The following EPHA8 variants were observed in gnomAD, a reference collection of about 807,000 sequenced individuals.
The protein encoded by EPHA8 is EPH receptor A8.
EPHA8 carries 58 observed loss-of-function variants against 103.6 expected under a neutral mutation model. The ratio of observed to expected loss-of-function variants is 0.56; its 90% CI spans 0.45 to 0.70. The LOEUF (loss-of-function observed/expected upper bound fraction) is 0.70, where lower values mean the gene tolerates loss of function less well. EPHA8 is among the 30% of genes least tolerant of loss of function. The pLI, the probability that EPHA8 is intolerant of heterozygous loss-of-function variation, is 0.00. For missense variants in EPHA8, 1,304 were observed against 1,395.2 expected (o/e 0.93, Z 1.04); for synonymous variants, 559 against 572.5 (o/e 0.98, Z 0.34).
intron 5 of EPHA8, 115 bp from the exon 6 acceptor site, chr1:22,593,211 A>G (rs530388519): frequency 4.9e-6 from 7 of 1,440,406 alleles, no homozygotes; most frequent in East Asian, 2.5e-5. Flanking sequence ...GGGCAGGACC[A>G]TCAGGAAGCT....
intron 3 of EPHA8, among the ~76,000 whole-genome samples, chr1:22,581,324 C>T (rs945027776): frequency 4.6e-5 from 7 of 152,180 alleles, no homozygotes; most frequent in African/African-American, 1.4e-4. Context: ...GCTGGTTGGC[C>T]GGTGCATACG....
At chr1:22,593,209 C>A (rs1641418957) in intron 5 of EPHA8, 117 bp from the exon 6 acceptor site, 1 of 1,426,756 alleles carries the variant, frequency 7.0e-7, no homozygotes, top group East Asian at 2.5e-5. Flanking sequence ...TGGGGCAGGA[C>A]CATCAGGAAG....
chr1:22,578,111 TG>T (rs779808267), intron 3 of EPHA8, among the ~76,000 whole-genome samples: 56 of 98,788 alleles, frequency 5.7e-4, no homozygotes, highest in East Asian at 1.8e-3. Flanking sequence ...TGTATGCATG[TG>T]TGCGTGAGTG....
intron 8 of EPHA8, 146 bp from the exon 9 acceptor site, chr1:22,595,960 C>G (rs1641505443): frequency 1.5e-6 from 1 of 658,548 alleles, no homozygotes; most frequent in Admixed American, 2.8e-5. Flanking sequence ...GTCAGGGACT[C>G]TCCCCTGCAG....
In EPHA8 at chr1:22,567,619, G is replaced by A. The variant is rs188872684; in HGVS notation, c.95-1670G>A. Among the ~76,000 whole-genome samples the A allele has an allele frequency of 3.7e-4, 56 of 152,302 alleles. 2 individuals are homozygous for A. The highest frequency in any genetic ancestry group is 2.3e-3 in the East Asian group (12 of 5,174). On this transcript the variant is annotated intron_variant, in intron 1 of 16. Coordinates refer to ENST00000166244, the MANE Select transcript of EPHA8 (RefSeq NM_020526.5). The surrounding 1 kb of genome is among the most constrained non-coding windows in gnomAD (Gnocchi z 4.2). ...GGCCTCCTTCAGGGTCCCTGACGGTGGGGTGGGGAGGGTGAGAGGCAGGAG... is the reference window on the plus strand; with the variant it reads ...GGCCTCCTTCAGGGTCCCTGACGGTAGGGTGGGGAGGGTGAGAGGCAGGAG...
intron 1 of EPHA8, among the ~76,000 whole-genome samples, chr1:22,568,416 C>G (rs778230263): frequency 6.6e-6 from 1 of 152,172 alleles, no homozygotes; most frequent in Admixed American, 6.5e-5. Context: ...TTCTCGGGCC[C>G]GAGCATCCAG....
chr1:22,601,430 G>A lies in EPHA8; in HGVS notation c.2860G>A (p.Gly954Ser), dbSNP rs1468847722. ...CCGGTACCGAGACCACTTCGCTGCG[G>A]GCGGATACTCCTCTCTGGGCATGGT... ...MGRYRDHFAA[G>S]GYSSLGMVLR... Residue 954 changes from glycine (G) to serine (S), a missense_variant, in exon 16 of 17, where the codon GGC (glycine) becomes AGC (serine). Transcript: ENST00000166244. 2 of 1,610,952 alleles carry A rather than the reference G, an allele frequency of 1.2e-6. No homozygotes were observed. Among genetic ancestry groups the A allele is most frequent in the Non-Finnish European group, 1.7e-6 (2 of 1,179,846 alleles).
intron 1 of EPHA8, among the ~76,000 whole-genome samples, chr1:22,564,315 G>C (rs114959682): frequency 0.011 from 1,733 of 151,806 alleles, 38 homozygotes; most frequent in African/African-American, 0.04. Context: ...TCTGGGAGAG[G>C]GGTCAGGGCC....
intron 2 of EPHA8, among the ~76,000 whole-genome samples, chr1:22,575,446 T>G (rs1640658264): frequency 6.6e-6 from 1 of 152,256 alleles, no homozygotes; most frequent in Non-Finnish European, 1.5e-5. Flanking sequence ...GTTTCTTTTC[T>G]GTTGTTGTCG....
intron 5 of EPHA8, among the ~76,000 whole-genome samples, chr1:22,590,504 A>AT (rs1641343702): frequency 6.6e-6 from 1 of 152,026 alleles, no homozygotes; most frequent in Non-Finnish European, 1.5e-5. Flanking sequence ...GCGTGGCCAC[A>AT]TCCATGGGCG....
chr1:22,569,154 G>A lies in EPHA8; in HGVS notation c.95-135G>A. The A allele has an allele frequency of 1.3e-6, 1 of 751,790 alleles. No individual in the cohort carries two copies. 46.6% of individuals were successfully genotyped at this position (751,790 alleles called of 1,614,324 possible). Reference sequence around the variant, plus strand: ...TCAAGGAGAGGGGAAGAGAGAAAGGGCATTCAGGCAGAGGGACCCGTGTGA... The same window carrying A: ...TCAAGGAGAGGGGAAGAGAGAAAGGACATTCAGGCAGAGGGACCCGTGTGA... On this transcript the variant is annotated intron_variant, in intron 1 of 16. Coordinates refer to ENST00000166244, the MANE Select transcript of EPHA8 (RefSeq NM_020526.5). This position sits in a 1 kb window ranked among gnomAD's most constrained non-coding sequence, Gnocchi z 4.5.
At chr1:22,575,271 A>G (rs890653307) in intron 2 of EPHA8, among the ~76,000 whole-genome samples, 7 of 152,110 alleles carry the variant, frequency 4.6e-5, no homozygotes, top group African/African-American at 1.4e-4. Context: ...TGTTTTTTAT[A>G]ACAGCCATCC....
At chr1:22,571,917 G>A (rs1053713986) in intron 2 of EPHA8, among the ~76,000 whole-genome samples, 17 of 152,110 alleles carry the variant, frequency 1.1e-4, no homozygotes, top group African/African-American at 4.1e-4. Flanking sequence ...CACGCTTGTG[G>A]TCCCCGCTAC....
chr1:22,592,060 A>C (rs1344184868), intron 5 of EPHA8, among the ~76,000 whole-genome samples: 1 of 152,104 alleles, frequency 6.6e-6, no homozygotes, highest in Non-Finnish European at 1.5e-5. Context: ...TGTGATAGGC[A>C]CTCAGGAGTC....
intron 3 of EPHA8, 98 bp from the exon 4 acceptor site, chr1:22,586,382 G>C (rs903405238): frequency 6.9e-7 from 1 of 1,452,100 alleles, no homozygotes; most frequent in East Asian, 2.3e-5. Flanking sequence ...ATCCCTCTGG[G>C]GCACCCCCCA....
chr1:22,578,170 G>T (rs1392883655), intron 3 of EPHA8, among the ~76,000 whole-genome samples: 1 of 110,494 alleles, frequency 9.1e-6, no homozygotes, highest in Non-Finnish European at 2.1e-5. Flanking sequence ...ATGAGTGTAT[G>T]TGTGCATGTG....
rs553564076 is a variant in EPHA8 at position 22,566,440 on chromosome 1, G to A, written c.94+2711G>A. ...ATGCCTTCCACAGTCGAACAGGAAC[G>A]GCTTAGGAGTTATCTGTGCTTCCCA... On this transcript the variant is annotated intron_variant, in intron 1 of 16. Transcript: ENST00000166244. Among the ~76,000 whole-genome samples, 66 of 152,336 alleles carry A rather than the reference G, an allele frequency of 4.3e-4. 1 individual carries two copies. The highest frequency in any genetic ancestry group is 5.9e-4 in the Non-Finnish European group (40 of 68,028).
rs1641767823 is a variant in EPHA8, at chr1:22,602,491, C to T, written c.*750C>T. 6.5e-6 allele frequency: 1 copy of T among 153,064 alleles called. No homozygotes were observed. Among genetic ancestry groups the T allele is most frequent in the African/African-American group, 2.4e-5 (1 of 41,472 alleles). 9.5% of individuals were successfully genotyped at this position (153,064 alleles called of 1,614,324 possible). On this transcript the variant is annotated 3_prime_UTR_variant, in exon 17 of 17. Transcript: ENST00000166244. ...TCTCACCGCTGCTTCAACAGGAAAA[C>T]AGGGTTCCCGGTCAGTCCGGCTGGC...
At chr1:22,585,050 T>TGTGTGTGTGTGTGTGTGCGC (rs71020436) in intron 3 of EPHA8, among the ~76,000 whole-genome samples, 2 of 93,494 alleles carry the variant, frequency 2.1e-5, no homozygotes, top group African/African-American at 1.2e-4. Flanking sequence ...TGTGTGTGTG[T>TGTGTGTGTGTGTGTGTGCGC]GCGCACGCGT....
Sources: allele counts gnomAD v4.1 joint callset (sites outside exome capture counted in the v4.1 genomes callset), GRCh38; gene constraint gnomAD v4.1.1; non-coding constraint Gnocchi (gnomAD v3.1); transcripts MANE v1.5; gene names NCBI Gene and HGNC (gene_info 2026-07-23, HGNC 2026-07-21).